RBMS1: variants seen among roughly 807,000 people sequenced by gnomAD.
RBMS1 encodes the protein RNA-binding motif, single-stranded-interacting protein 1.
In RBMS1, 17 loss-of-function variants were observed where a neutral mutation model predicts 62.3. The observed-to-expected ratio is 0.27, with a 90% CI of 0.19 to 0.41. The LOEUF (loss-of-function observed/expected upper bound fraction) is 0.41. Ranked by LOEUF, RBMS1 falls within the 10% of genes least tolerant of loss-of-function variation. The pLI is 1.00. For missense variants in RBMS1, 334 were observed against 504.5 expected (o/e 0.66, Z 3.24); for synonymous variants, 172 against 170.0 (o/e 1.01, Z -0.09).
At chr2:160,288,229 G>A (rs1433830126) in intron 6 of RBMS1, among the ~76,000 whole-genome samples, 2 of 152,262 alleles carry the variant, frequency 1.3e-5, no homozygotes, top group South Asian at 4.1e-4. Context: ...TTTGTCTACT[G>A]TAGAACCATG....
chr2:160,338,834 T>C (rs55729344), intron 2 of RBMS1, among the ~76,000 whole-genome samples: 4,111 of 152,242 alleles, frequency 0.027, 107 homozygotes, highest in Middle Eastern at 0.061. Flanking sequence ...ACCCACTCAA[T>C]AGGCAGAAGA....
intron 1 of RBMS1, among the ~76,000 whole-genome samples, chr2:160,448,369 C>A (rs553113765): frequency 6.6e-6 from 1 of 152,032 alleles, no homozygotes; most frequent in South Asian, 2.1e-4. Flanking sequence ...GTACTGCCGC[C>A]ATCTCGGCTC....
Position 160,483,003 on chromosome 2 carries a change from G to A in RBMS1, c.75+10286C>T, listed in dbSNP as rs149615406. Among the ~76,000 whole-genome samples the A allele has an allele frequency of 2.4e-3, 371 of 151,688 alleles. 1 individual carries two copies. Among genetic ancestry groups the A allele is most frequent in the African/African-American group, 8.3e-3 (342 of 41,334 alleles). On this transcript the variant is annotated intron_variant, in intron 1 of 13. Transcript: ENST00000348849. ...ATTTGAATTTTGTGACAGAGACAGAGAGAGGTAGAAAAGAACACCAGATAT... is the reference window on the plus strand; with the variant it reads ...ATTTGAATTTTGTGACAGAGACAGAAAGAGGTAGAAAAGAACACCAGATAT...
intron 1 of RBMS1, among the ~76,000 whole-genome samples, chr2:160,486,404 T>C (rs952469769): frequency 6.6e-6 from 1 of 152,188 alleles, no homozygotes; most frequent in Non-Finnish European, 1.5e-5. Flanking sequence ...TCTAGTATTG[T>C]GTGAAATGGG....
intron 6 of RBMS1, among the ~76,000 whole-genome samples, chr2:160,289,530 C>T (rs1336602344): frequency 6.6e-6 from 1 of 152,178 alleles, no homozygotes; most frequent in Admixed American, 6.5e-5. Context: ...GTCTATTTAA[C>T]CATCAAAATT....
intron 12 of RBMS1, 85 bp from the exon 13 acceptor site, chr2:160,275,799 G>A (rs1203986626): frequency 8.9e-6 from 14 of 1,576,524 alleles, no homozygotes; most frequent in Non-Finnish European, 1.2e-5. Flanking sequence ...ATCCAACAGT[G>A]CCTTAAAAAC....
At chr2:160,367,591 T>TA (rs1553515871) in intron 1 of RBMS1, 200 bp from the exon 2 acceptor site, 13 of 950,054 alleles carry the variant, frequency 1.4e-5, no homozygotes, top group Non-Finnish European at 1.6e-5. Context: ...TAGGGTTTAC[T>TA]AAGTAAAAGT....
chr2:160,416,719 C>A (rs750737840), intron 1 of RBMS1, among the ~76,000 whole-genome samples: 1 of 151,964 alleles, frequency 6.6e-6, no homozygotes, highest in Non-Finnish European at 1.5e-5. Context: ...TATTAAGGGC[C>A]GGTCCTTGTA....
chr2:160,349,287 T>C (rs114262540), intron 2 of RBMS1, among the ~76,000 whole-genome samples: 3,808 of 152,254 alleles, frequency 0.025, 191 homozygotes, highest in African/African-American at 0.087. Context: ...AGCCAGAGGC[T>C]AAAAGTATCT....
At chr2:160,319,630 CA>C (rs1690441744) in intron 2 of RBMS1, among the ~76,000 whole-genome samples, 1 of 152,192 alleles carries the variant, frequency 6.6e-6, no homozygotes, top group Non-Finnish European at 1.5e-5. Context: ...ACATTTACTT[CA>C]AAAATTCCAC....
chr2:160,444,790 A>G (rs1683569656), intron 1 of RBMS1, among the ~76,000 whole-genome samples: 1 of 152,194 alleles, frequency 6.6e-6, no homozygotes, highest in Non-Finnish European at 1.5e-5. Context: ...AGAGAGAGGA[A>G]GAGATCCCCC....
intron 1 of RBMS1, among the ~76,000 whole-genome samples, chr2:160,397,502 C>T (rs1695209638): frequency 2.0e-5 from 3 of 152,156 alleles, no homozygotes; most frequent in African/African-American, 7.2e-5. Context: ...TTTTTTCTAG[C>T]ACCTTGCTTT....
At chr2:160,398,895 T>C (rs530283969) in intron 1 of RBMS1, among the ~76,000 whole-genome samples, 1 of 152,312 alleles carries the variant, frequency 6.6e-6, no homozygotes, top group Admixed American at 6.5e-5. Flanking sequence ...CACAATATCT[T>C]GAATCCATTC....
chr2:160,277,251 C>T, intron 12 of RBMS1, 52 bp downstream of exon 12: 5 of 1,430,672 alleles, frequency 3.5e-6, no homozygotes, highest in Non-Finnish European at 4.9e-6. Flanking sequence ...TTAATTTACC[C>T]ATTTCTGAAA....
At chr2:160,388,823 A>G (rs1694713262) in intron 1 of RBMS1, among the ~76,000 whole-genome samples, 1 of 152,194 alleles carries the variant, frequency 6.6e-6, no homozygotes, top group Non-Finnish European at 1.5e-5. Flanking sequence ...GGGAGTTCCT[A>G]GGTTAACAGG....
At chr2:160,380,742 G>C (rs1049067461) in intron 1 of RBMS1, among the ~76,000 whole-genome samples, 1 of 152,114 alleles carries the variant, frequency 6.6e-6, no homozygotes, top group African/African-American at 2.4e-5. Context: ...AAACAATTTA[G>C]GAAGGAATAG....
At chr2:160,372,299 A>G (rs111904679) in intron 1 of RBMS1, among the ~76,000 whole-genome samples, 14 of 151,698 alleles carry the variant, frequency 9.2e-5, no homozygotes, top group Admixed American at 5.3e-4. Flanking sequence ...TTTCATCCTT[A>G]TAGTTCAAGA....
chr2:160,449,349 G>C (rs1000214203), intron 1 of RBMS1, among the ~76,000 whole-genome samples: 1 of 152,244 alleles, frequency 6.6e-6, no homozygotes, highest in African/African-American at 2.4e-5. Context: ...CATTGAGAAT[G>C]GGCCATGATG....
intron 2 of RBMS1, among the ~76,000 whole-genome samples, chr2:160,323,349 G>A (rs535431405): frequency 6.6e-6 from 1 of 151,822 alleles, no homozygotes; most frequent in Non-Finnish European, 1.5e-5. Context: ...GGTGGTGCAC[G>A]CCTGTAGTCC....
Sources: allele counts gnomAD v4.1 joint callset (sites outside exome capture counted in the v4.1 genomes callset), GRCh38; gene constraint gnomAD v4.1.1; transcripts MANE v1.5; gene names NCBI Gene and HGNC (gene_info 2026-07-23, HGNC 2026-07-21).